Variants in SHANK2 observed in about 807,000 individuals in gnomAD.
The protein encoded by SHANK2 is SH3 and multiple ankyrin repeat domains 2, also known as SH3 and multiple ankyrin repeat domains protein 2.
Under a neutral mutation model 133.7 loss-of-function variants are expected in SHANK2, and 43 were observed. That is an observed-to-expected ratio of 0.32 (90% CI 0.25 to 0.41). The LOEUF is 0.41. Ranked by LOEUF, SHANK2 falls within the 10% of genes least tolerant of loss-of-function variation. The pLI is 1.00. For missense variants in SHANK2, 1,994 were observed against 2,235.8 expected (o/e 0.89, Z 2.18); for synonymous variants, 1,017 against 952.8 (o/e 1.07, Z -1.24).
chr11:70,898,704 A>G (rs886387799), intron 10 of SHANK2, among the ~76,000 whole-genome samples: 2 of 152,244 alleles, frequency 1.3e-5, no homozygotes, highest in African/African-American at 2.4e-5. Flanking sequence ...GCAAAAGGAG[A>G]GAAATGAATC....
At chr11:70,755,546 C>T (rs1172659453) in intron 14 of SHANK2, among the ~76,000 whole-genome samples, 2 of 152,238 alleles carry the variant, frequency 1.3e-5, no homozygotes, top group Non-Finnish European at 2.9e-5. Flanking sequence ...CAGGCACGTC[C>T]CCAGCCCCGG....
chr11:71,140,752 G>T (rs1297037468), intron 3 of SHANK2, among the ~76,000 whole-genome samples: 1 of 152,174 alleles, frequency 6.6e-6, no homozygotes, highest in Non-Finnish European at 1.5e-5. Flanking sequence ...CAGATCTTCA[G>T]ACCCTCGCCC....
chr11:70,579,622 C>T (rs1554984959), intron 17 of SHANK2, among the ~76,000 whole-genome samples: 1 of 152,232 alleles, frequency 6.6e-6, no homozygotes, highest in African/African-American at 2.4e-5. Context: ...GGGCCGGATC[C>T]CAGGACCCCC....
At position 70,695,063 on chromosome 11, in the gene SHANK2, T is replaced by A. The variant is rs945025579; in HGVS notation, c.1853+3625A>T. Among the ~76,000 whole-genome samples, 11 of 152,142 alleles carry A rather than the reference T, an allele frequency of 7.2e-5. 1 individual carries two copies. The highest frequency in any genetic ancestry group is 2.4e-5 in the African/African-American group (1 of 41,430). ...GGGATGAACAACGATAATACCATCA[T>A]CCTGAATACGTCAGGATTCCACTCA... On this transcript the variant is annotated intron_variant, in intron 15 of 25. Transcript: ENST00000601538.
intron 11 of SHANK2, among the ~76,000 whole-genome samples, chr11:70,886,571 A>G (rs1380583535): frequency 6.6e-6 from 1 of 152,148 alleles, no homozygotes; most frequent in Non-Finnish European, 1.5e-5. Context: ...TGCCAGGTAA[A>G]CTGAAATTTT....
chr11:70,857,533 G>A (rs1205810084), intron 11 of SHANK2, among the ~76,000 whole-genome samples: 5 of 152,108 alleles, frequency 3.3e-5, no homozygotes. Flanking sequence ...CTCACTTCCT[G>A]ATAAAGACCT....
chr11:70,682,084 T>C (rs946446347), intron 15 of SHANK2, among the ~76,000 whole-genome samples: 5 of 152,032 alleles, frequency 3.3e-5, no homozygotes, highest in African/African-American at 1.2e-4. Context: ...GGAGGGTGCT[T>C]TGTGAGAGGG....
At chr11:70,682,633 A>C (rs1945052882) in intron 15 of SHANK2, among the ~76,000 whole-genome samples, 4 of 152,194 alleles carry the variant, frequency 2.6e-5, no homozygotes. Context: ...TCTAAAACAG[A>C]CAATGAAGAT....
At chr11:71,093,133 G>A (rs1951548386) in intron 7 of SHANK2, among the ~76,000 whole-genome samples, 1 of 151,776 alleles carries the variant, frequency 6.6e-6, no homozygotes, top group African/African-American at 2.4e-5. Flanking sequence ...TGCAGGGCAG[G>A]CTGACATTTG....
In SHANK2 at chr11:70,487,033, C is replaced by T. The variant is rs910196065; in HGVS notation, c.3260G>A (p.Arg1087His). 6.2e-7 allele frequency: 1 copy of T among 1,609,120 alleles called. No homozygotes were observed. The change falls in exon 25 of 26, where the codon CGC (arginine) becomes CAC (histidine). Residue 1087 changes from arginine to histidine, a missense_variant. By Grantham distance (29) the Arg-to-His change is conservative. Coordinates refer to ENST00000601538, the MANE Select transcript of SHANK2 (RefSeq NM_012309.5). The surrounding 1 kb of genome is among the most constrained non-coding windows in gnomAD (Gnocchi z 5.8). ...PFAAAIAGAV[R>H]DREKRLEARR... ...GGCTTCCAGCCGCTTCTCACGGTCGCGGACGGCTCCGGCGATGGCGGCGGC... is the reference window on the plus strand; with the variant it reads ...GGCTTCCAGCCGCTTCTCACGGTCGTGGACGGCTCCGGCGATGGCGGCGGC...
At chr11:71,229,463 T>C (rs1555122675) in intron 1 of SHANK2, among the ~76,000 whole-genome samples, 1 of 152,178 alleles carries the variant, frequency 6.6e-6, no homozygotes, top group Non-Finnish European at 1.5e-5. Flanking sequence ...ATATCACTTA[T>C]ACTTGCTCAA....
intron 17 of SHANK2, among the ~76,000 whole-genome samples, chr11:70,515,658 A>C (rs1258005025): frequency 1.3e-5 from 2 of 150,990 alleles, no homozygotes; most frequent in East Asian, 3.9e-4. Flanking sequence ...AAAAAAAAAA[A>C]AACATTTAAA....
intron 14 of SHANK2, among the ~76,000 whole-genome samples, chr11:70,788,702 T>C (rs1205955414): frequency 2.0e-5 from 3 of 152,084 alleles, no homozygotes; most frequent in Non-Finnish European, 4.4e-5. Flanking sequence ...TCCCCATCCT[T>C]CTCCTGCCCA....
intron 1 of SHANK2, among the ~76,000 whole-genome samples, chr11:71,233,668 G>A (rs1954781861): frequency 6.6e-6 from 1 of 152,170 alleles, no homozygotes; most frequent in African/African-American, 2.4e-5. Flanking sequence ...TCCGCAACTG[G>A]GTTCTAGGAA....
rs1160968406 is a variant in SHANK2 at position 70,820,530 on chromosome 11, G to A, written c.1327C>T (p.Arg443Cys). 5 of 716,972 alleles carry A rather than the reference G, an allele frequency of 7.0e-6. No individual in the cohort carries two copies. Among genetic ancestry groups the A allele is most frequent in the African/African-American group, 1.7e-5 (1 of 57,256 alleles). The allele number at this position is 716,972 out of a possible 1,614,324, so 44.4% of individuals were successfully genotyped here. A position where few individuals can be genotyped will look rare whatever the true frequency, so the allele number is the denominator to read the frequency against. ...TGCAGCAGCTGGGGTGACAGGCTGC[G>A]GTGCGAGGTGGCCGTGGAGCAGACG... ...WAVCSTATSH[R>C]SLSPQLLQQM... The change falls in exon 12 of 26, where the codon CGC becomes TGC. Residue 443 changes from arginine to cysteine, a missense_variant. Arg to Cys is a radical substitution (Grantham distance 180). Transcript: ENST00000601538.
intron 2 of SHANK2, among the ~76,000 whole-genome samples, chr11:71,209,138 T>C (rs1555118481): frequency 6.6e-6 from 1 of 152,118 alleles, no homozygotes; most frequent in African/African-American, 2.4e-5. Context: ...TCACCACAGA[T>C]GGAAGGAGCT....
intron 14 of SHANK2, among the ~76,000 whole-genome samples, chr11:70,718,393 G>T (rs1176549554): frequency 6.6e-6 from 1 of 152,214 alleles, no homozygotes; most frequent in Non-Finnish European, 1.5e-5. Flanking sequence ...AGGTGGCCCT[G>T]GCCCAAGGCG....
intron 2 of SHANK2, among the ~76,000 whole-genome samples, chr11:71,150,324 C>CAGGGAGGGAGAGGGAGGGACAGGGAGGG (rs1952770277): frequency 2.6e-5 from 1 of 38,738 alleles, no homozygotes; most frequent in Non-Finnish European, 4.7e-5. Context: ...CAGGGAGGGA[C>CAGGGAGGGAGAGGGAGGGACAGGGAGGG]AGGGAGGGAG....
Position 70,483,722 on chromosome 11 carries a change from C to A in SHANK2, c.4979+1592G>T, listed in dbSNP as rs145975209. 1.2e-3 allele frequency among the ~76,000 whole-genome samples: 182 copies of A among 152,244 alleles called. 3 individuals are homozygous for A. In the East Asian group the frequency reaches 0.031, roughly 26 times the overall value. On this transcript the variant is annotated intron_variant, in intron 25 of 25. Transcript: ENST00000601538. ...TGAGCGGCAAAGCAACACCCTTTCTCAAAATTCCTGGAGGCTGTTGAGTGT... is the reference window on the plus strand; with the variant it reads ...TGAGCGGCAAAGCAACACCCTTTCTAAAAATTCCTGGAGGCTGTTGAGTGT...
Sources: allele counts gnomAD v4.1 joint callset (sites outside exome capture counted in the v4.1 genomes callset), GRCh38; gene constraint gnomAD v4.1.1; non-coding constraint Gnocchi (gnomAD v3.1); transcripts MANE v1.5; gene names NCBI Gene and HGNC (gene_info 2026-07-23, HGNC 2026-07-21).